Variants in PRPF6 observed in about 807,000 individuals in gnomAD.
PRPF6 encodes pre-mRNA-processing factor 6.
PRPF6 carries 42 observed loss-of-function variants against 118.3 expected under a neutral mutation model. The observed-to-expected ratio is 0.35, with a 90% confidence interval of 0.28 to 0.46. PRPF6 has a LOEUF of 0.46. Among genes scored for constraint, PRPF6 ranks in the 20% least tolerant of loss-of-function variants. PRPF6 has a pLI of 1.00. For synonymous variants in PRPF6, 481 were observed against 485.1 expected (o/e 0.99, Z 0.11); for missense variants, 662 against 1,255.7 (o/e 0.53, Z 7.15).
chr20:63,992,411 G>A (rs573884429), intron 3 of PRPF6, among the ~76,000 whole-genome samples: 43 of 152,170 alleles, frequency 2.8e-4, no homozygotes, highest in Admixed American at 4.6e-4. Flanking sequence ...ACAGGCATGC[G>A]CCACCACGCC....
At chr20:64,031,883 A>G (rs2059316285) in intron 19 of PRPF6, 35 bp from the exon 20 acceptor site, 1 of 1,613,498 alleles carries the variant, frequency 6.2e-7, no homozygotes, top group Non-Finnish European at 8.5e-7. Context: ...TCCTGCAGCC[A>G]CTCACTCTGG....
At chr20:63,997,976 G>A (rs1314205841) in intron 6 of PRPF6, among the ~76,000 whole-genome samples, 2 of 152,180 alleles carry the variant, frequency 1.3e-5, no homozygotes, top group South Asian at 4.1e-4. Context: ...CTGTTTATTC[G>A]CTGACGGACA....
chr20:63,984,777 TC>T, intron 2 of PRPF6, 129 bp from the exon 3 acceptor site: 1 of 693,314 alleles, frequency 1.4e-6, no homozygotes, highest in South Asian at 1.5e-5. Flanking sequence ...TGGTAGACTG[TC>T]CCTTGATTTG....
intron 13 of PRPF6, 85 bp from the exon 14 acceptor site, chr20:64,024,470 C>G: frequency 6.5e-7 from 1 of 1,538,376 alleles, no homozygotes; most frequent in Admixed American, 1.7e-5. Flanking sequence ...AACTGTCTTT[C>G]TGGCGTGCCC....
At chr20:64,017,006 T>A (rs189282342) in intron 12 of PRPF6, among the ~76,000 whole-genome samples, 161 bp downstream of exon 12, 241 of 151,988 alleles carry the variant, frequency 1.6e-3, no homozygotes, top group African/African-American at 5.5e-3. Flanking sequence ...GCAGTGGCGC[T>A]ATCTCAGCTC....
At position 64,026,869 on chromosome 20, in the gene PRPF6, A is replaced by G; in HGVS notation, c.2029-113A>G. 1 of 1,127,784 alleles carries G rather than the reference A, an allele frequency of 8.9e-7. No homozygotes were observed. Among genetic ancestry groups the G allele is most frequent in the Non-Finnish European group, 1.3e-6 (1 of 747,646 alleles). The allele number at this position is 1,127,784 out of a possible 1,614,324, so 69.9% of individuals were successfully genotyped here. A position where few individuals can be genotyped will look rare whatever the true frequency, so the allele number is the denominator to read the frequency against. On this transcript the variant is annotated intron_variant, in intron 15 of 20. Transcript: ENST00000266079. This position sits in a 1 kb window ranked among gnomAD's most constrained non-coding sequence, Gnocchi z 4.4. ...TTTGTGTACACAAACAGGCTATGAA[A>G]AGCTTACAAAAGTACACACAGTACT...
intron 9 of PRPF6, among the ~76,000 whole-genome samples, 180 bp from the exon 10 acceptor site, chr20:64,010,020 C>T (rs949438068): frequency 1.3e-5 from 2 of 152,120 alleles, no homozygotes; most frequent in African/African-American, 4.8e-5. Flanking sequence ...CAAGATGCTC[C>T]GTTTGTCCTT....
intron 9 of PRPF6, among the ~76,000 whole-genome samples, chr20:64,007,879 C>T (rs1023161421): frequency 1.3e-5 from 2 of 152,244 alleles, no homozygotes; most frequent in South Asian, 2.1e-4. Context: ...TGGGTTCAAG[C>T]GATTCTCCTG....
intron 2 of PRPF6, among the ~76,000 whole-genome samples, chr20:63,984,352 C>G (rs1169665255): frequency 6.6e-6 from 1 of 151,054 alleles, no homozygotes; most frequent in Admixed American, 6.6e-5. Context: ...ACCCGGGAGG[C>G]GGAGGTTGCG....
intron 11 of PRPF6, among the ~76,000 whole-genome samples, chr20:64,014,428 G>T (rs1397958840): frequency 6.6e-6 from 1 of 151,880 alleles, no homozygotes; most frequent in Non-Finnish European, 1.5e-5. Flanking sequence ...GCTGAGGCGG[G>T]TGGATCACTT....
intron 8 of PRPF6, among the ~76,000 whole-genome samples, chr20:64,000,029 G>A (rs946555179): frequency 1.3e-4 from 20 of 150,408 alleles, no homozygotes; most frequent in African/African-American, 2.9e-4. Context: ...TCGGCTCACC[G>A]CAAGCTCCAC....
At chr20:63,986,073 C>G (rs991836920) in intron 3 of PRPF6, among the ~76,000 whole-genome samples, 1 of 152,108 alleles carries the variant, frequency 6.6e-6, no homozygotes, top group African/African-American at 2.4e-5. Flanking sequence ...GTGGATCACG[C>G]CTGTAATTCT....
intron 13 of PRPF6, among the ~76,000 whole-genome samples, chr20:64,023,923 T>TC (rs1268988483): frequency 3.9e-5 from 6 of 152,334 alleles, no homozygotes; most frequent in Admixed American, 2.6e-4. Context: ...GGGGAGCTGG[T>TC]CCTCTGGAGA....
At position 64,016,794 on chromosome 20, in the gene PRPF6, T is replaced by C. The variant is rs778654378; in HGVS notation, c.1596T>C (p.Ile532=). ...CCGTCATGCGTGCCGTGATTGGGAT[T>C]GGGATTGAGGAGGAAGATCGGAAGC... The part of the protein sequence containing the change: ...CQAVMRAVIG[I]GIEEEDRKHT... Residue 532 remains isoleucine, a synonymous_variant, in exon 12 of 21, where the codon ATT becomes ATC. Transcript: ENST00000266079. 7.4e-6 allele frequency: 12 copies of C among 1,614,010 alleles called. No individual in the cohort carries two copies. The highest frequency in any genetic ancestry group is 8.5e-6 in the Non-Finnish European group (10 of 1,180,034).
chr20:63,983,165 C>G lies in PRPF6; in HGVS notation c.190C>G (p.Gln64Glu). ...CGTTGGGGACCAGATGAAGAAAAATCAGGCTGCTGACGATGACGACGAGGA... is the reference window on the plus strand; with the variant it reads ...CGTTGGGGACCAGATGAAGAAAAATGAGGCTGCTGACGATGACGACGAGGA... ...RTVGDQMKKN[Q>E]AADDDDEDLN... The change falls in exon 2 of 21, where the codon CAG (glutamine) becomes GAG (glutamate). Residue 64 changes from glutamine (Q) to glutamate (E), a missense_variant. Around this residue, in one of 10 missense-constraint regions of PRPF6, gnomAD observed 21 missense variants for 45.5 expected, o/e 0.46. Coordinates refer to ENST00000266079, the MANE Select transcript of PRPF6 (RefSeq NM_012469.4). The G allele has an allele frequency of 6.2e-7, 1 of 1,614,218 alleles. No homozygotes were observed. The highest frequency in any genetic ancestry group is 8.5e-7 in the Non-Finnish European group (1 of 1,180,040).
intron 6 of PRPF6, among the ~76,000 whole-genome samples, chr20:63,998,536 AAAAT>A (rs2059151026): frequency 6.6e-6 from 1 of 151,536 alleles, no homozygotes; most frequent in Non-Finnish European, 1.5e-5. Context: ...CTGTCTCAAA[AAAAT>A]AAATAAAAAT....
chr20:64,008,583 GTTCC>G (rs1327895024), intron 9 of PRPF6, among the ~76,000 whole-genome samples: 1 of 152,168 alleles, frequency 6.6e-6, no homozygotes, highest in African/African-American at 2.4e-5. Context: ...GCCCGCATCT[GTTCC>G]TTCATTAGGG....
intron 5 of PRPF6, 80 bp downstream of exon 5, chr20:63,995,172 C>T (rs923210005): frequency 7.1e-5 from 113 of 1,602,108 alleles, no homozygotes; most frequent in Non-Finnish European, 9.2e-5. Flanking sequence ...GTGTTGGATT[C>T]AATGCTTCTG....
Position 64,022,801 on chromosome 20 carries a change from C to T in PRPF6, c.1692C>T (p.Ala564=). The T allele has an allele frequency of 2.5e-6, 4 of 1,614,170 alleles. No homozygotes were observed. Among genetic ancestry groups the T allele is most frequent in the Non-Finnish European group, 3.4e-6 (4 of 1,180,036 alleles). ...TGGAGTGTGCACGAGCCATCTACGC[C>T]TACGCCCTGCAGGTGTTCCCCAGCA... ...NALECARAIY[A]YALQVFPSKK... The change falls in exon 13 of 21, where the codon GCC becomes GCT. Residue 564 remains alanine (A), a synonymous_variant. Coordinates refer to ENST00000266079, the MANE Select transcript of PRPF6 (RefSeq NM_012469.4).
Sources: gnomAD v4.1 joint callset for allele counts (sites outside exome capture counted in the v4.1 genomes callset) on GRCh38, gnomAD v4.1.1 for gene constraint, gnomAD v4.1.1 regional missense constraint, Gnocchi (gnomAD v3.1) non-coding constraint, MANE v1.5 for transcripts, NCBI Gene and HGNC (gene_info 2026-07-23, HGNC 2026-07-21) for gene names.